Variants in SYNDIG1 observed in about 807,000 individuals in gnomAD.
The protein encoded by SYNDIG1 is synapse differentiation-inducing gene protein 1.
In SYNDIG1, 9 loss-of-function variants were observed where a neutral mutation model predicts 19.4. That is an observed-to-expected ratio of 0.46 (90% confidence interval 0.28 to 0.81). SYNDIG1 has a LOEUF of 0.81. Among genes scored for constraint, SYNDIG1 ranks in the 30% least tolerant of loss-of-function variants. The pLI is 0.12. For missense variants in SYNDIG1, 311 were observed against 343.3 expected, an observed-to-expected ratio of 0.91 and a Z score of 0.74; for synonymous variants, 141 against 145.9, an observed-to-expected ratio of 0.97 and a Z score of 0.24.
chr20:24,600,239 T>A (rs2058659504), intron 3 of SYNDIG1, among the ~76,000 whole-genome samples: 2 of 152,244 alleles, frequency 1.3e-5, no homozygotes, highest in Admixed American at 1.3e-4. Context: ...GGGTGGTTTT[T>A]CTCTTCCTTC....
Position 24,568,181 on chromosome 20 carries a change from T to C in SYNDIG1, c.481-16675T>C, listed in dbSNP as rs577010870. Among the ~76,000 whole-genome samples the C allele has an allele frequency of 3.9e-5, 6 of 152,294 alleles. No individual in the cohort carries two copies. In the East Asian group the frequency reaches 9.7e-4, roughly 25 times the overall value. ...AAGAAAGAAAAAGAAATGCAGCAGCTGGTCCAGTTTTGTGGGAGAAGTAGG... is the reference window on the plus strand; with the variant it reads ...AAGAAAGAAAAAGAAATGCAGCAGCCGGTCCAGTTTTGTGGGAGAAGTAGG... On this transcript the variant is annotated intron_variant, in intron 2 of 3. Transcript: ENST00000376862.
At chr20:24,565,286 C>T (rs2058023971) in intron 2 of SYNDIG1, among the ~76,000 whole-genome samples, 1 of 152,218 alleles carries the variant, frequency 6.6e-6, no homozygotes, top group African/African-American at 2.4e-5. Context: ...CAAGAAGTAT[C>T]TTTAGAAACG....
At position 24,605,641 on chromosome 20, in the gene SYNDIG1, T is replaced by C. The variant is rs116027682; in HGVS notation, c.618+20648T>C. ...ACTGATTTTAACTTGTTCTAGTGTA[T>C]AAATGAACAAATACATCATGTCTGC... On this transcript the variant is annotated intron_variant, in intron 3 of 3. Coordinates refer to ENST00000376862, the MANE Select transcript of SYNDIG1 (RefSeq NM_024893.3). Among the ~76,000 whole-genome samples, 373 of 152,358 alleles carry C rather than the reference T, an allele frequency of 2.4e-3. 2 individuals carry two copies. The highest frequency in any genetic ancestry group is 8.6e-3 in the African/African-American group (356 of 41,582).
At chr20:24,552,411 C>T (rs868332635) in intron 2 of SYNDIG1, among the ~76,000 whole-genome samples, 1 of 152,096 alleles carries the variant, frequency 6.6e-6, no homozygotes, top group East Asian at 1.9e-4. Context: ...CACCCATTAA[C>T]TCGTCATTTA....
intron 1 of SYNDIG1, among the ~76,000 whole-genome samples, chr20:24,513,589 G>A (rs868760112): frequency 1.6e-4 from 25 of 152,332 alleles, no homozygotes; most frequent in Middle Eastern, 3.4e-3. Flanking sequence ...AAAGTAAAAA[G>A]AAACAAACAA....
chr20:24,616,210 G>T (rs1042289444), intron 3 of SYNDIG1, among the ~76,000 whole-genome samples: 4 of 151,960 alleles, frequency 2.6e-5, no homozygotes, highest in Non-Finnish European at 4.4e-5. Context: ...AATATATTTG[G>T]TTCCTCTTTT....
chr20:24,648,949 A>G (rs1425330519), intron 3 of SYNDIG1, among the ~76,000 whole-genome samples: 4 of 152,236 alleles, frequency 2.6e-5, no homozygotes, highest in Non-Finnish European at 4.4e-5. Context: ...TCCTTCATTC[A>G]TGTCATCCAG....
chr20:24,585,056 G>GCCC, intron 3 of SYNDIG1, 63 bp downstream of exon 3: 4 of 545,628 alleles, frequency 7.3e-6, no homozygotes, highest in Non-Finnish European at 1.4e-5. Flanking sequence ...GGTGGGGGCG[G>GCCC]CAATCCCAGC....
chr20:24,628,861 T>C (rs922674177), intron 3 of SYNDIG1, among the ~76,000 whole-genome samples: 9 of 152,200 alleles, frequency 5.9e-5, no homozygotes, highest in African/African-American at 1.9e-4. Flanking sequence ...CAGCCTTGCT[T>C]TCCAGTCTCC....
intron 3 of SYNDIG1, among the ~76,000 whole-genome samples, chr20:24,647,828 G>C (rs1029707114): frequency 1.3e-5 from 2 of 151,046 alleles, no homozygotes; most frequent in Non-Finnish European, 2.9e-5. Flanking sequence ...ACATCAGTCA[G>C]ACTGAGCTGC....
At chr20:24,517,091 A>G (rs2056883400) in intron 1 of SYNDIG1, among the ~76,000 whole-genome samples, 1 of 152,124 alleles carries the variant, frequency 6.6e-6, no homozygotes, top group Admixed American at 6.5e-5. Context: ...CATAGGTGGG[A>G]ATTGAACAAT....
intron 1 of SYNDIG1, among the ~76,000 whole-genome samples, chr20:24,516,092 G>T (rs1342923814): frequency 6.6e-6 from 1 of 152,190 alleles, no homozygotes; most frequent in Non-Finnish European, 1.5e-5. Flanking sequence ...ATGGGGAAAG[G>T]ATTCCCTATT....
intron 1 of SYNDIG1, among the ~76,000 whole-genome samples, chr20:24,519,928 C>A (rs964202019): frequency 3.9e-5 from 6 of 152,248 alleles, no homozygotes; most frequent in Middle Eastern, 3.4e-3. Flanking sequence ...TAGTAACTAA[C>A]CCATGCTAAG....
intron 2 of SYNDIG1, among the ~76,000 whole-genome samples, chr20:24,544,987 T>C (rs1199759405): frequency 6.6e-6 from 1 of 151,684 alleles, no homozygotes; most frequent in East Asian, 1.9e-4. Flanking sequence ...GAGAAAGCAA[T>C]AGGGAGGAAG....
At chr20:24,578,040 T>A (rs74506822) in intron 2 of SYNDIG1, among the ~76,000 whole-genome samples, 3,565 of 152,336 alleles carry the variant, frequency 0.023, 106 homozygotes, top group African/African-American at 0.066. Context: ...GAATCCCTCA[T>A]TCATTCAGCA....
In SYNDIG1 at chr20:24,470,910, A is replaced by G. The variant is rs915976427; in HGVS notation, c.-79+1157A>G. On this transcript the variant is annotated intron_variant, in intron 1 of 3. Coordinates refer to ENST00000376862, the MANE Select transcript of SYNDIG1 (RefSeq NM_024893.3). ...ACCGATGCCTGCGCCTTCCCTGGCC[A>G]CGTCCTGGTGTTTAGTGCAGCAGAC... Among the ~76,000 whole-genome samples, 4 of 149,934 alleles carry G rather than the reference A, an allele frequency of 2.7e-5. No homozygotes were observed. The East Asian group carries it at 7.9e-4, about 30-fold the overall frequency.
intron 3 of SYNDIG1, among the ~76,000 whole-genome samples, chr20:24,593,096 A>G (rs2058538829): frequency 2.6e-5 from 4 of 152,178 alleles, no homozygotes; most frequent in Admixed American, 2.6e-4. Flanking sequence ...GGGTAGATGT[A>G]CAGGTTTGTT....
chr20:24,476,415 C>A (rs2055626994), intron 1 of SYNDIG1, among the ~76,000 whole-genome samples: 1 of 152,074 alleles, frequency 6.6e-6, no homozygotes, highest in Non-Finnish European at 1.5e-5. Flanking sequence ...CGCCTGTAAT[C>A]CCAGCACTTT....
At position 24,543,330 on chromosome 20, in the gene SYNDIG1, C is replaced by T. The variant is rs1211579663; in HGVS notation, c.233C>T (p.Thr78Ile). The change falls in exon 2 of 4, where the codon ACC (threonine) becomes ATC (isoleucine). Residue 78 changes from threonine (T) to isoleucine (I), a missense_variant. Thr to Ile is a moderately conservative substitution (Grantham distance 89, BLOSUM62 -1). Coordinates refer to ENST00000376862, the MANE Select transcript of SYNDIG1 (RefSeq NM_024893.3). ...EPMQQLLDPN[T>I]LQQSVESRYR... ...ATGCAGCAGCTGCTGGACCCCAACA[C>T]CCTGCAGCAGTCAGTGGAGTCCCGC... 1 of 1,613,408 alleles carries T rather than the reference C, an allele frequency of 6.2e-7. No homozygotes were observed. The highest frequency in any genetic ancestry group is 1.6e-4 in the Middle Eastern group (1 of 6,082).
Sources: allele counts gnomAD v4.1 joint callset (sites outside exome capture counted in the v4.1 genomes callset), GRCh38; gene constraint gnomAD v4.1.1; transcripts MANE v1.5; gene names NCBI Gene and HGNC (gene_info 2026-07-23, HGNC 2026-07-21).